Variants in ZBED6 observed in about 807,000 individuals in gnomAD.
The protein encoded by ZBED6 is zinc finger BED-type containing 6.
Under a neutral mutation model 58.4 loss-of-function variants are expected in ZBED6, and 40 were observed. That is an observed-to-expected ratio of 0.68 (90% CI 0.53 to 0.89). The LOEUF (loss-of-function observed/expected upper bound fraction) is 0.89. ZBED6 is among the 40% of genes least tolerant of loss of function. The pLI, the probability that ZBED6 is intolerant of heterozygous loss-of-function variation, is 0.00. For synonymous variants in ZBED6, 439 were observed against 350.6 expected, an observed-to-expected ratio of 1.25 and a Z score of -2.82; for missense variants, 1,057 against 1,003.9, an observed-to-expected ratio of 1.05 and a Z score of -0.71.
intron 1 of ZBED6, among the ~76,000 whole-genome samples, chr1:203,813,778 T>A (rs1675298963): frequency 6.6e-6 from 1 of 152,094 alleles, no homozygotes; most frequent in African/African-American, 2.4e-5. Flanking sequence ...GGTTTGTAGA[T>A]GCATCACTCC....
exon 1 of ZBED6, chr1:203,799,971 G>C: frequency 6.5e-7 from 1 of 1,536,104 alleles, no homozygotes. Flanking sequence ...AACTTCAGAA[G>C]CTTCTTGTCC....
chr1:203,816,988 C>T (rs926629558), exon 2 of ZBED6: 44 of 926,830 alleles, frequency 4.7e-5, no homozygotes, highest in Middle Eastern at 3.4e-4. Context: ...ACCCATTTCA[C>T]GAGGACTTGG....
At chr1:203,825,325 A>G (rs1015395162) in intron 3 of ZBED6, among the ~76,000 whole-genome samples, 2 of 152,108 alleles carry the variant, frequency 1.3e-5, no homozygotes. Context: ...GAACATAACT[A>G]CTGCAAATAA....
chr1:203,828,470 A>G lies in ZBED6; in HGVS notation c.*2997+48A>G, dbSNP rs1199028070. On this transcript the variant is annotated intron_variant, in intron 4 of 16. Coordinates refer to ENST00000550078, the Ensembl canonical transcript of ZBED6. Reference sequence around the variant, plus strand: ...AAAGAATATCAAATGAACACCTATTATGCACACTGTACAACAGTACTTTTC... The same window carrying G: ...AAAGAATATCAAATGAACACCTATTGTGCACACTGTACAACAGTACTTTTC... The G allele has an allele frequency of 5.8e-6, 9 of 1,559,186 alleles. No homozygotes were observed. The East Asian group carries it at 1.9e-4, about 33-fold the overall frequency.
chr1:203,799,955 A>G (rs1249106439), exon 1 of ZBED6: 18 of 1,536,014 alleles, frequency 1.2e-5, no homozygotes, highest in South Asian at 3.6e-5. Flanking sequence ...AGATCTGCCA[A>G]ATTCCAACTT....
At chr1:203,833,959 T>C in intron 9 of ZBED6, 106 bp downstream of exon 9, 2 of 1,426,730 alleles carry the variant, frequency 1.4e-6, no homozygotes, top group Non-Finnish European at 1.8e-6. Context: ...GGTGCCCCTG[T>C]ATTGGCTGAA....
exon 17 of ZBED6, chr1:203,852,404 G>C: frequency 6.2e-7 from 1 of 1,613,320 alleles, no homozygotes; most frequent in African/African-American, 1.3e-5. Flanking sequence ...AGCTGAAGGT[G>C]GTAGTGAGGA....
At chr1:203,836,780 A>C (rs1428160156) in intron 9 of ZBED6, among the ~76,000 whole-genome samples, 1 of 152,118 alleles carries the variant, frequency 6.6e-6, no homozygotes, top group Non-Finnish European at 1.5e-5. Context: ...CGTCTCAGAA[A>C]GCAGCTAGAA....
chr1:203,827,647 A>C (rs1572158281), intron 3 of ZBED6, among the ~76,000 whole-genome samples: 1 of 150,780 alleles, frequency 6.6e-6, no homozygotes, highest in Admixed American at 6.7e-5. Context: ...GCGCCACTGC[A>C]CTCCAGCCTG....
At chr1:203,803,310 G>A (rs977944127) in intron 1 of ZBED6, among the ~76,000 whole-genome samples, 25 of 152,142 alleles carry the variant, frequency 1.6e-4, no homozygotes, top group Admixed American at 1.5e-3. Context: ...TCCTGCCTCA[G>A]CCTCCTGGGT....
exon 1 of ZBED6, chr1:203,800,679 T>G (rs1454152042): frequency 2.4e-6 from 1 of 408,666 alleles, no homozygotes; most frequent in African/African-American, 2.1e-5. Context: ...AAAATTTTGC[T>G]TATACCAATG....
chr1:203,852,080 A>G, intron 16 of ZBED6, 61 bp from the exon 17 acceptor site: 6 of 1,594,662 alleles, frequency 3.8e-6, no homozygotes, highest in Non-Finnish European at 5.1e-6. Flanking sequence ...CCGTGAGACT[A>G]GGTGATTCAG....
chr1:203,847,884 C>T (rs142038998), intron 12 of ZBED6, among the ~76,000 whole-genome samples, 197 bp downstream of exon 12: 3,545 of 152,210 alleles, frequency 0.023, 54 homozygotes, highest in Non-Finnish European at 0.036. Context: ...GAGACAGAGT[C>T]TCACTCTGTC....
At chr1:203,810,281 G>A (rs1006746237) in intron 1 of ZBED6, among the ~76,000 whole-genome samples, 6 of 151,806 alleles carry the variant, frequency 4.0e-5, no homozygotes, top group Non-Finnish European at 8.8e-5. Context: ...TGGCCTTGCC[G>A]TTTTCTTGAA....
chr1:203,833,833 G>A, exon 9 of ZBED6: 2 of 1,609,636 alleles, frequency 1.2e-6, no homozygotes, highest in South Asian at 2.2e-5. Context: ...GAGAGACTGG[G>A]GAAACGAAAA....
In ZBED6 at chr1:203,799,893, TATAAGCAGTTCCTTGC is replaced by T; in HGVS notation, c.2373_2388del (p.Tyr791Ter). The T allele has an allele frequency of 6.5e-7, 1 of 1,536,082 alleles. No individual in the cohort carries two copies. The highest frequency in any genetic ancestry group is 8.7e-7 in the Non-Finnish European group (1 of 1,146,892). On this transcript the variant is annotated frameshift_variant, in exon 1 of 17. Coordinates refer to ENST00000550078, the Ensembl canonical transcript of ZBED6. LOFTEE classifies it high-confidence loss of function. Reference sequence around the variant, plus strand: ...TCCTCAAGGTGCTGATTTAGAAACTTATAAGCAGTTCCTTGCAGAAGAGGTCTGTAATTATATGGAA... The same window carrying T: ...TCCTCAAGGTGCTGATTTAGAAACTTAGAAGAGGTCTGTAATTATATGGAA...
chr1:203,819,257 T>C (rs185626692), intron 3 of ZBED6, among the ~76,000 whole-genome samples: 1 of 150,026 alleles, frequency 6.7e-6, no homozygotes, highest in African/African-American at 2.4e-5. Flanking sequence ...AGTCTCACTC[T>C]GTCGCCCACG....
rs1239089495 is a variant in ZBED6 at position 203,833,744 on chromosome 1, C to G, written c.*3511-47C>G. On this transcript the variant is annotated intron_variant, in intron 8 of 16. Transcript: ENST00000550078. ...TGTACCCATTAGTAGTTACTGAATACAGAAAAATTGACTAAGGATAGAGAA... is the reference window on the plus strand; with the variant it reads ...TGTACCCATTAGTAGTTACTGAATAGAGAAAAATTGACTAAGGATAGAGAA... 5 of 1,541,804 alleles carry G rather than the reference C, an allele frequency of 3.2e-6. No individual in the cohort carries two copies. In the Admixed American group the frequency reaches 9.3e-5, roughly 29 times the overall value.
intron 8 of ZBED6, 99 bp from the exon 9 acceptor site, chr1:203,833,692 G>A: frequency 2.3e-6 from 2 of 860,368 alleles, no homozygotes; most frequent in Non-Finnish European, 3.2e-6. Context: ...TTTCTGGGTG[G>A]ATTTACACTA....
Sources: gnomAD v4.1 joint callset for allele counts (sites outside exome capture counted in the v4.1 genomes callset) on GRCh38, gnomAD v4.1.1 for gene constraint, MANE v1.5 for transcripts, NCBI Gene and HGNC (gene_info 2026-07-23, HGNC 2026-07-21) for gene names.